LMNB1: variants seen among roughly 807,000 people sequenced by gnomAD.
The protein encoded by LMNB1 is lamin-B1.
In LMNB1, 23 loss-of-function variants were observed where a neutral mutation model predicts 67.1. That is an observed-to-expected ratio of 0.34 (90% CI 0.25 to 0.49). The LOEUF (loss-of-function observed/expected upper bound fraction) is 0.49, where lower values mean the gene tolerates loss of function less well. LMNB1 is among the 20% of genes least tolerant of loss of function. LMNB1 has a pLI of 0.99. For synonymous variants in LMNB1, 281 were observed against 282.9 expected, an observed-to-expected ratio of 0.99 and a Z score of 0.07; for missense variants, 634 against 746.5, an observed-to-expected ratio of 0.85 and a Z score of 1.76.
intron 6 of LMNB1, among the ~76,000 whole-genome samples, chr5:126,820,315 A>G (rs1383536194): frequency 6.6e-6 from 1 of 152,206 alleles, no homozygotes; most frequent in Non-Finnish European, 1.5e-5. Flanking sequence ...GGTAGATCAG[A>G]TGACTTTCTA....
intron 1 of LMNB1, among the ~76,000 whole-genome samples, chr5:126,797,397 T>G (rs11748369): frequency 0.2 from 29,884 of 152,140 alleles, 3,038 homozygotes; most frequent in East Asian, 0.28. Flanking sequence ...ATCTGGAATA[T>G]AAATAGTTTA....
At chr5:126,827,129 T>C (rs1038816893) in intron 9 of LMNB1, among the ~76,000 whole-genome samples, 8 of 151,804 alleles carry the variant, frequency 5.3e-5, no homozygotes, top group Non-Finnish European at 1.0e-4. Context: ...AGGAGATATA[T>C]AGGGGGAATG....
At chr5:126,825,548 AG>A (rs1751974392) in intron 8 of LMNB1, among the ~76,000 whole-genome samples, 1 of 152,178 alleles carries the variant, frequency 6.6e-6, no homozygotes. Context: ...CTAACATGGA[AG>A]GATGGCCTAT....
At chr5:126,777,130 C>G (rs1750474959), upstream of LMNB1, 1 of 170,224 alleles carries the variant, frequency 5.9e-6, no homozygotes, top group Non-Finnish European at 1.2e-5. Flanking sequence ...CCTCCCCCCG[C>G]CCGCCGCTCC....
chr5:126,830,136 ATAAATACTCCTACTG>A (rs1383972790), intron 9 of LMNB1, among the ~76,000 whole-genome samples: 2 of 152,246 alleles, frequency 1.3e-5, no homozygotes, highest in Admixed American at 1.3e-4. Context: ...TTTCTGTGGT[ATAAATACTCCTACTG>A]TGGCTGATGC....
chr5:126,811,724 T>C, intron 4 of LMNB1, 49 bp from the exon 5 acceptor site: 1 of 1,532,126 alleles, frequency 6.5e-7, no homozygotes, highest in East Asian at 2.3e-5. Flanking sequence ...TGCTTCCTTT[T>C]TTGTTTCAGT....
chr5:126,789,337 G>A (rs994000413), intron 1 of LMNB1, among the ~76,000 whole-genome samples: 3 of 152,110 alleles, frequency 2.0e-5, no homozygotes, highest in Non-Finnish European at 2.9e-5. Flanking sequence ...AAACATTTTA[G>A]TAGCTTCTAG....
At chr5:126,794,085 C>A (rs1486051519) in intron 1 of LMNB1, among the ~76,000 whole-genome samples, 1 of 152,060 alleles carries the variant, frequency 6.6e-6, no homozygotes, top group Non-Finnish European at 1.5e-5. Flanking sequence ...CAGGCATGAG[C>A]CACCACGCCC....
chr5:126,804,238 CT>C (rs61232506), intron 1 of LMNB1, among the ~76,000 whole-genome samples: 15,991 of 100,850 alleles, frequency 0.16, 948 homozygotes, highest in East Asian at 0.25. Flanking sequence ...GTGCCAGGCT[CT>C]TTTTTTTTTT....
chr5:126,800,108 G>T (rs146528204), intron 1 of LMNB1, among the ~76,000 whole-genome samples: 12 of 152,258 alleles, frequency 7.9e-5, no homozygotes, highest in African/African-American at 2.4e-4. Context: ...CTTTCCTGTG[G>T]CTTGCTTCTT....
At chr5:126,812,718 C>CTTTTTTTTTTTTTTTTTTT (rs11430160) in intron 5 of LMNB1, among the ~76,000 whole-genome samples, 2 of 117,158 alleles carry the variant, frequency 1.7e-5, no homozygotes, top group Non-Finnish European at 3.4e-5. Flanking sequence ...CTTTATTTTA[C>CTTTTTTTTTTTTTTTTTTT]TTTTTTTTTT....
intron 1 of LMNB1, among the ~76,000 whole-genome samples, chr5:126,794,695 C>T (rs933346903): frequency 1.3e-5 from 2 of 152,064 alleles, no homozygotes; most frequent in African/African-American, 2.4e-5. Context: ...GCCAGCTAGG[C>T]CTAATTGGCC....
At chr5:126,836,137 C>A in intron 10 of LMNB1, 86 bp from the exon 11 acceptor site, 1 of 923,744 alleles carries the variant, frequency 1.1e-6, no homozygotes, top group South Asian at 1.4e-5. Flanking sequence ...GGTTTGGTAT[C>A]CCTGTAGTTA....
intron 1 of LMNB1, among the ~76,000 whole-genome samples, chr5:126,791,302 C>A (rs890796608): frequency 2.0e-5 from 3 of 151,952 alleles, no homozygotes; most frequent in Non-Finnish European, 4.4e-5. Flanking sequence ...CTTTTATTAC[C>A]ATATGAGACT....
At chr5:126,811,503 G>A (rs1751576340) in intron 4 of LMNB1, among the ~76,000 whole-genome samples, 1 of 152,138 alleles carries the variant, frequency 6.6e-6, no homozygotes, top group African/African-American at 2.4e-5. Flanking sequence ...AGACATTAAA[G>A]GTTTAATAGA....
chr5:126,787,607 A>G (rs868375073), intron 1 of LMNB1, among the ~76,000 whole-genome samples: 44 of 135,304 alleles, frequency 3.3e-4, no homozygotes, highest in African/African-American at 1.1e-4. Context: ...CTGGAGTGCA[A>G]TGGTGTGGTC....
intron 1 of LMNB1, among the ~76,000 whole-genome samples, chr5:126,800,259 A>G (rs900380902): frequency 4.0e-5 from 6 of 151,726 alleles, no homozygotes; most frequent in Admixed American, 1.3e-4. Context: ...AAAAAGATGT[A>G]TATACCATGC....
At chr5:126,787,546 A>ATATATATATATATTTTTTTTTTTTT in intron 1 of LMNB1, among the ~76,000 whole-genome samples, 3 of 65,568 alleles carry the variant, frequency 4.6e-5, no homozygotes, top group Admixed American at 2.2e-4. Context: ...ATATATATAT[A>ATATATATATATATTTTTTTTTTTTT]TTTTTTTTTT....
At chr5:126,779,817 G>A (rs999839677) in intron 1 of LMNB1, among the ~76,000 whole-genome samples, 1 of 152,194 alleles carries the variant, frequency 6.6e-6, no homozygotes, top group African/African-American at 2.4e-5. Flanking sequence ...CGGATCACGA[G>A]GTCAGGAGAT....
Sources: allele counts gnomAD v4.1 joint callset (sites outside exome capture counted in the v4.1 genomes callset), GRCh38; gene constraint gnomAD v4.1.1; transcripts MANE v1.5; gene names NCBI Gene and HGNC (gene_info 2026-07-23, HGNC 2026-07-21).